WWC2: variants seen among roughly 807,000 people sequenced by gnomAD.
The protein encoded by WWC2 is protein WWC2.
A neutral mutation model predicts 138.5 loss-of-function variants in WWC2; 101 were observed. That is an observed-to-expected ratio of 0.73 (90% CI 0.62 to 0.86). WWC2 has a LOEUF of 0.86. Ranked by LOEUF, WWC2 falls within the 40% of genes least tolerant of loss-of-function variation. The pLI, the probability that WWC2 is intolerant of heterozygous loss-of-function variation, is 0.00. For missense variants in WWC2, 1,420 were observed against 1,419.4 expected (o/e 1.00, Z -0.01); for synonymous variants, 558 against 538.4 (o/e 1.04, Z -0.50).
chr4:183,312,459 A>G lies in WWC2; in HGVS notation c.3503A>G (p.Gln1168Arg), dbSNP rs1739289348. ...AGCCAGAAGGTGCCTCGGCAGGTGC[A>G]GTCCTTCAGGTGAATAGCCCCATCC... ...EQSQKVPRQV[Q>R]SFREKIAYFT... Residue 1168 changes from glutamine to arginine, a missense_variant, in exon 22 of 23, where the codon CAG becomes CGG. By Grantham distance (43) the Gln-to-Arg change is conservative. Coordinates refer to ENST00000403733, the MANE Select transcript of WWC2 (RefSeq NM_024949.6). 1.9e-6 allele frequency: 3 copies of G among 1,613,688 alleles called. No homozygotes were observed. The highest frequency in any genetic ancestry group is 8.5e-7 in the Non-Finnish European group (1 of 1,179,682).
intron 2 of WWC2, among the ~76,000 whole-genome samples, chr4:183,204,306 G>C (rs1735384216): frequency 6.6e-6 from 1 of 152,182 alleles, no homozygotes; most frequent in African/African-American, 2.4e-5. Context: ...AAAGACCCGA[G>C]AATACCAGGA....
intron 1 of WWC2, among the ~76,000 whole-genome samples, chr4:183,146,185 A>G (rs1414937697): frequency 6.6e-6 from 1 of 152,216 alleles, no homozygotes; most frequent in East Asian, 1.9e-4. Flanking sequence ...CTGAGGGCTC[A>G]TGCCAAGTGG....
chr4:183,269,874 G>A (rs1040953385), intron 15 of WWC2: 17 of 163,408 alleles, frequency 1.0e-4, no homozygotes, highest in Non-Finnish European at 1.9e-4. Context: ...ACTGTTGTGC[G>A]TAATAACCAG....
Position 183,271,068 on chromosome 4 carries a change from TCAC to T in WWC2, c.2401-11_2401-9del. 1.3e-6 allele frequency: 2 copies of T among 1,504,056 alleles called. No homozygotes were observed. Among genetic ancestry groups the T allele is most frequent in the Non-Finnish European group, 1.8e-6 (2 of 1,126,806 alleles). The allele number at this position is 1,504,056 out of a possible 1,614,324, so 93.2% of individuals were successfully genotyped here. A position where few individuals can be genotyped will look rare whatever the true frequency, so the allele number is the denominator to read the frequency against. On this transcript the variant is annotated splice_polypyrimidine_tract_variant and intron_variant, in intron 15 of 22. Transcript: ENST00000403733. ...CTTATTTTTTTTTCTTTGTTTTCTT[TCAC>T]TTACATAGGCTGGAACTCAGATCAG...
At chr4:183,296,906 C>A (rs1323217642) in intron 21 of WWC2, among the ~76,000 whole-genome samples, 1 of 129,314 alleles carries the variant, frequency 7.7e-6, no homozygotes, top group East Asian at 2.3e-4. Flanking sequence ...TGCACTCCAG[C>A]CTGGGCAACA....
At chr4:183,285,379 A>C (rs1738211989) in intron 19 of WWC2, among the ~76,000 whole-genome samples, 1 of 152,250 alleles carries the variant, frequency 6.6e-6, no homozygotes, top group Admixed American at 6.5e-5. Flanking sequence ...ATCATGTATT[A>C]GCTAAAAATA....
chr4:183,211,916 G>A (rs1735609762), intron 4 of WWC2, among the ~76,000 whole-genome samples: 2 of 152,022 alleles, frequency 1.3e-5, no homozygotes, highest in African/African-American at 4.8e-5. Context: ...CCGCTTCCTG[G>A]GTTCAGGGGA....
At chr4:183,313,469 A>G (rs1739332045) in intron 22 of WWC2, among the ~76,000 whole-genome samples, 1 of 151,990 alleles carries the variant, frequency 6.6e-6, no homozygotes, top group Non-Finnish European at 1.5e-5. Flanking sequence ...GAGATGGAGA[A>G]TGCTGGGGAG....
chr4:183,240,891 G>A (rs1203337751), intron 5 of WWC2, among the ~76,000 whole-genome samples: 1 of 152,208 alleles, frequency 6.6e-6, no homozygotes, highest in East Asian at 1.9e-4. Flanking sequence ...AAATGGAGGT[G>A]ACAGAGGGTC....
At position 183,253,746 on chromosome 4, in the gene WWC2, T is replaced by C. The variant is rs1737048805; in HGVS notation, c.954-11T>C. 2 of 1,602,226 alleles carry C rather than the reference T, an allele frequency of 1.2e-6. No individual in the cohort carries two copies. The highest frequency in any genetic ancestry group is 2.7e-5 in the African/African-American group (2 of 73,686). ...AGTATGTGCATACCTCTTCTATCTT[T>C]TTTTTTTTAGTATGGCCAACTTAAA... On this transcript the variant is annotated splice_polypyrimidine_tract_variant and intron_variant, in intron 8 of 22. Transcript: ENST00000403733.
At chr4:183,102,749 C>T (rs1743217385) in intron 1 of WWC2, among the ~76,000 whole-genome samples, 1 of 152,062 alleles carries the variant, frequency 6.6e-6, no homozygotes, top group African/African-American at 2.4e-5. Flanking sequence ...CTGCATGGGC[C>T]CACTCCCCGA....
intron 9 of WWC2, among the ~76,000 whole-genome samples, chr4:183,256,516 T>G (rs1737146133): frequency 6.6e-6 from 1 of 152,164 alleles, no homozygotes; most frequent in Non-Finnish European, 1.5e-5. Context: ...CTCTGCTCAT[T>G]GCTGCTGTTG....
intron 1 of WWC2, among the ~76,000 whole-genome samples, chr4:183,113,169 G>A (rs1252877228): frequency 6.6e-6 from 1 of 151,910 alleles, no homozygotes; most frequent in Non-Finnish European, 1.5e-5. Flanking sequence ...CTACTTGAGA[G>A]GTTGAGGCAG....
intron 9 of WWC2, among the ~76,000 whole-genome samples, chr4:183,255,218 C>T (rs777547785): frequency 6.6e-6 from 1 of 152,184 alleles, no homozygotes; most frequent in Non-Finnish European, 1.5e-5. Context: ...TCTTTTCTTC[C>T]CTTCTTGTTC....
At chr4:183,209,071 A>G in intron 4 of WWC2, 46 bp downstream of exon 4, 1 of 1,369,334 alleles carries the variant, frequency 7.3e-7, no homozygotes, top group Non-Finnish European at 1.0e-6. Context: ...ATATGCATAG[A>G]GTCTGAAGGC....
intron 1 of WWC2, among the ~76,000 whole-genome samples, chr4:183,132,354 A>G (rs1732951306): frequency 6.6e-6 from 1 of 152,100 alleles, no homozygotes; most frequent in Admixed American, 6.6e-5. Context: ...TTTTGTAGAC[A>G]CCCATTATCA....
intron 8 of WWC2, among the ~76,000 whole-genome samples, chr4:183,251,308 C>T (rs1049577083): frequency 3.9e-5 from 6 of 152,152 alleles, no homozygotes; most frequent in African/African-American, 1.4e-4. Flanking sequence ...GTGTGTCCAC[C>T]TGGGCAGGGC....
At chr4:183,225,741 A>G (rs1022755169) in intron 4 of WWC2, among the ~76,000 whole-genome samples, 1 of 152,242 alleles carries the variant, frequency 6.6e-6, no homozygotes, top group African/African-American at 2.4e-5. Context: ...GATGTAGCAG[A>G]GAACAGATAC....
At chr4:183,128,724 G>C (rs147707967) in intron 1 of WWC2, among the ~76,000 whole-genome samples, 3 of 152,196 alleles carry the variant, frequency 2.0e-5, no homozygotes, top group Non-Finnish European at 4.4e-5. Context: ...TATGTGAGAA[G>C]CTGTATTTAT....
Sources: gnomAD v4.1 joint callset for allele counts (sites outside exome capture counted in the v4.1 genomes callset) on GRCh38, gnomAD v4.1.1 for gene constraint, MANE v1.5 for transcripts, NCBI Gene and HGNC (gene_info 2026-07-23, HGNC 2026-07-21) for gene names.